RBFOX1: variants seen among roughly 807,000 people sequenced by gnomAD.
RBFOX1 encodes RNA binding fox-1 homolog 1.
In RBFOX1, 8 loss-of-function variants were observed where a neutral mutation model predicts 57.7. That is an observed-to-expected ratio of 0.14 (90% CI 0.08 to 0.25). The LOEUF (loss-of-function observed/expected upper bound fraction) is 0.25, where lower values mean the gene tolerates loss of function less well. RBFOX1 is among the 10% of genes least tolerant of loss of function. RBFOX1 has a pLI of 1.00. For synonymous variants in RBFOX1, 326 were observed against 222.4 expected (o/e 1.47, Z -4.15); for missense variants, 611 against 548.5 (o/e 1.11, Z -1.14).
chr16:5,536,101 C>CT (rs1555459296), intron 2 of RBFOX1, among the ~76,000 whole-genome samples: 6 of 117,068 alleles, frequency 5.1e-5, no homozygotes, highest in South Asian at 3.5e-4. Context: ...TCAAGCCCCC[C>CT]CCCCCTTTTT....
In RBFOX1 at chr16:7,607,331, C is replaced by T. The variant is rs2095317739; in HGVS notation, c.669C>T (p.Phe223=). 1.2e-6 allele frequency: 2 copies of T among 1,610,332 alleles called. No homozygotes were observed. The highest frequency in any genetic ancestry group is 1.7e-6 in the Non-Finnish European group (2 of 1,179,028). ...PVVGAVYSPE[F]YAGTVLLCQA... is the part of the protein sequence containing the mutation. ...TGGGTGCAGTCTACAGTCCCGAATT[C>T]TATGCAGGTACAGAGTTTCTCTTTG... is the stretch of plus-strand genomic sequence containing the variant. The change falls in exon 10 of 16, where the codon TTC becomes TTT. Residue 223 remains phenylalanine (F), a synonymous_variant. Transcript: ENST00000550418.
At chr16:6,155,436 A>G (rs2096831647) in intron 1 of RBFOX1, among the ~76,000 whole-genome samples, 1 of 152,228 alleles carries the variant, frequency 6.6e-6, no homozygotes. Flanking sequence ...CAAGATGTAC[A>G]GCGTGTGTTT....
Position 6,892,790 on chromosome 16 carries a change from C to G in RBFOX1, c.-15-159267C>G, listed in dbSNP as rs1394016092. Among the ~76,000 whole-genome samples the G allele has an allele frequency of 2.5e-5, 2 of 80,244 alleles. 1 individual carries two copies. The highest frequency in any genetic ancestry group is 8.6e-5 in the African/African-American group (2 of 23,166). 52.6% of individuals were successfully genotyped at this position (80,244 alleles called of 152,430 possible). A position where few individuals can be genotyped will look rare whatever the true frequency, so the allele number is the denominator to read the frequency against. On this transcript the variant is annotated intron_variant, in intron 3 of 15. Transcript: ENST00000550418. ...TCCCTGTCTCCCTCTCTCTCTCTCT[C>G]TCTCTCTCTCTCTCTCTCTCTCTCT...
At chr16:6,471,386 A>G (rs1467448849) in intron 2 of RBFOX1, among the ~76,000 whole-genome samples, 1 of 152,138 alleles carries the variant, frequency 6.6e-6, no homozygotes, top group African/African-American at 2.4e-5. Context: ...CGATAATTAT[A>G]CTACTAGTTT....
chr16:7,279,182 G>T (rs927393783), intron 4 of RBFOX1, among the ~76,000 whole-genome samples: 31 of 150,068 alleles, frequency 2.1e-4, no homozygotes, highest in African/African-American at 6.9e-4. Context: ...CCCATGCTGA[G>T]TGCCTACCCT....
chr16:7,480,382 T>G (rs1262812542), intron 4 of RBFOX1, among the ~76,000 whole-genome samples: 1 of 152,208 alleles, frequency 6.6e-6, no homozygotes, highest in African/African-American at 2.4e-5. Context: ...TTAAGAGAGA[T>G]AACACCTAGT....
intron 2 of RBFOX1, among the ~76,000 whole-genome samples, chr16:6,575,586 G>C (rs1048348937): frequency 6.6e-6 from 1 of 152,072 alleles, no homozygotes; most frequent in African/African-American, 2.4e-5. Context: ...GGCTAGGCAC[G>C]GTGGCTCATG....
intron 1 of RBFOX1, among the ~76,000 whole-genome samples, chr16:6,134,134 A>G (rs569125495): frequency 1.3e-5 from 2 of 151,994 alleles, no homozygotes; most frequent in East Asian, 3.9e-4. Context: ...ACAGGGTTTC[A>G]CCATGTTGGC....
intron 3 of RBFOX1, among the ~76,000 whole-genome samples, chr16:5,856,187 C>CTCTATATATATATATATATATA (rs1430331422): frequency 3.2e-5 from 1 of 31,064 alleles, no homozygotes; most frequent in Non-Finnish European, 5.6e-5. Context: ...CTCTCTCTCT[C>CTCTATATATATATATATATATA]TATATATATA....
chr16:6,636,017 C>G (rs117695769), intron 2 of RBFOX1, among the ~76,000 whole-genome samples: 1 of 152,244 alleles, frequency 6.6e-6, no homozygotes, highest in Non-Finnish European at 1.5e-5. Flanking sequence ...CCTGAAAGTA[C>G]TTGTGTACAT....
intron 1 of RBFOX1, among the ~76,000 whole-genome samples, chr16:6,245,837 A>G (rs1468192424): frequency 6.6e-6 from 1 of 152,222 alleles, no homozygotes; most frequent in Non-Finnish European, 1.5e-5. Flanking sequence ...TTCCTTGGTC[A>G]TTCCCTGCCT....
intron 1 of RBFOX1, among the ~76,000 whole-genome samples, chr16:6,105,685 AAT>A (rs1002953834): frequency 5.2e-4 from 75 of 142,954 alleles, no homozygotes; most frequent in African/African-American, 1.9e-3. Flanking sequence ...GTAGAAAAAA[AAT>A]ATATATATAT....
chr16:7,380,542 T>G (rs1043518636), intron 4 of RBFOX1, among the ~76,000 whole-genome samples: 1 of 152,196 alleles, frequency 6.6e-6, no homozygotes, highest in Non-Finnish European at 1.5e-5. Flanking sequence ...AAACAACCAG[T>G]TTCCCTATTG....
chr16:5,946,484 G>A lies in RBFOX1; in HGVS notation c.351+79149G>A, dbSNP rs1408360577. Among the ~76,000 whole-genome samples the A allele has an allele frequency of 6.6e-6, 1 of 152,210 alleles. No homozygotes were observed. Among genetic ancestry groups the A allele is most frequent in the Non-Finnish European group, 1.5e-5 (1 of 68,040 alleles). Reference sequence around the variant, plus strand: ...ATCTCTGCTCTCATGGAATGGGAGTGCCTCATGGTGGGGTGCCTGGAGAGG... The same window carrying A: ...ATCTCTGCTCTCATGGAATGGGAGTACCTCATGGTGGGGTGCCTGGAGAGG... On this transcript the variant is annotated intron_variant, in intron 4 of 19. Transcript: ENST00000641259. This position sits in a 1 kb window ranked among gnomAD's most constrained non-coding sequence, Gnocchi z 4.6.
intron 1 of RBFOX1, among the ~76,000 whole-genome samples, chr16:5,378,666 G>T (rs1005852674): frequency 6.6e-6 from 1 of 151,446 alleles, no homozygotes; most frequent in African/African-American, 2.5e-5. Context: ...CTGCTGGAGA[G>T]GAAGAGTTTC....
chr16:7,567,084 T>TGTATATATATCCCTATATATGTATATCC (rs1427716551), intron 5 of RBFOX1, among the ~76,000 whole-genome samples: 14,233 of 130,386 alleles, frequency 0.11, 3,953 homozygotes, highest in East Asian at 0.19. Context: ...AAGCTGGATA[T>TGTATATATATCCCTATATATGTATATCC]ATATATATCT....
chr16:7,107,043 A>G (rs1041500862), intron 4 of RBFOX1, among the ~76,000 whole-genome samples: 1 of 151,818 alleles, frequency 6.6e-6, no homozygotes, highest in African/African-American at 2.4e-5. Flanking sequence ...GCCTGTGGTA[A>G]GTGCTATGAT....
At chr16:7,017,535 C>G (rs890123774) in intron 3 of RBFOX1, among the ~76,000 whole-genome samples, 2 of 152,104 alleles carry the variant, frequency 1.3e-5, no homozygotes, top group Admixed American at 1.3e-4. Context: ...AAGAAGCCAA[C>G]GGAACAGAGA....
At chr16:6,979,258 A>G (rs552202917) in intron 3 of RBFOX1, among the ~76,000 whole-genome samples, 1 of 152,330 alleles carries the variant, frequency 6.6e-6, no homozygotes, top group African/African-American at 2.4e-5. Flanking sequence ...ACAGTTAAAT[A>G]GTAAAAACCT....
Sources: allele counts gnomAD v4.1 joint callset (sites outside exome capture counted in the v4.1 genomes callset), GRCh38; gene constraint gnomAD v4.1.1; non-coding constraint Gnocchi (gnomAD v3.1); transcripts MANE v1.5; gene names NCBI Gene and HGNC (gene_info 2026-07-23, HGNC 2026-07-21).